MRPS35: variants seen among roughly 807,000 people sequenced by gnomAD.
MRPS35 encodes the protein mitochondrial ribosomal protein S35.
MRPS35 carries 29 observed loss-of-function variants against 32.7 expected under a neutral mutation model. The observed-to-expected ratio is 0.89, with a 90% confidence interval of 0.66 to 1.21. MRPS35 has a LOEUF of 1.21. Ranked by LOEUF, MRPS35 falls within the 50% of genes most tolerant of loss-of-function variation. The pLI is 0.00. For missense variants in MRPS35, 373 were observed against 383.8 expected (o/e 0.97, Z 0.23); for synonymous variants, 148 against 139.3 (o/e 1.06, Z -0.44).
At chr12:27,749,923 G>A (rs1412789197) in intron 7 of MRPS35, among the ~76,000 whole-genome samples, 5 of 152,140 alleles carry the variant, frequency 3.3e-5, no homozygotes, top group African/African-American at 1.2e-4. Flanking sequence ...TTAAACTTAG[G>A]TCTGGGAAAT....
chr12:27,750,786 C>G (rs1426736943), intron 7 of MRPS35, among the ~76,000 whole-genome samples: 1 of 152,012 alleles, frequency 6.6e-6, no homozygotes, highest in African/African-American at 2.4e-5. Flanking sequence ...GCCTAAGTGA[C>G]AGAGGGAGAC....
At chr12:27,712,322 A>C (rs2061830451) in intron 1 of MRPS35, among the ~76,000 whole-genome samples, 1 of 152,218 alleles carries the variant, frequency 6.6e-6, no homozygotes, top group African/African-American at 2.4e-5. Flanking sequence ...TTAAGTAATA[A>C]TCTGATCTCT....
chr12:27,737,714 GC>G, intron 7 of MRPS35, 106 bp downstream of exon 7: 2 of 854,206 alleles, frequency 2.3e-6, no homozygotes, highest in Admixed American at 2.4e-5. Flanking sequence ...TTTGTGAACT[GC>G]TGAATAATCT....
intron 5 of MRPS35, among the ~76,000 whole-genome samples, chr12:27,724,804 A>G (rs2061893322): frequency 1.3e-5 from 2 of 152,162 alleles, no homozygotes; most frequent in South Asian, 4.1e-4. Flanking sequence ...TGTTAACTAT[A>G]GTAGCTCATT....
At chr12:27,718,570 T>G (rs1448459288) in intron 3 of MRPS35, among the ~76,000 whole-genome samples, 1 of 152,244 alleles carries the variant, frequency 6.6e-6, no homozygotes, top group African/African-American at 2.4e-5. Flanking sequence ...TGCTAATTAT[T>G]TATTTGAAGA....
rs1456529230 is a variant in MRPS35, at chr12:27,751,657, C to T, written c.703-3524C>T. On this transcript the variant is annotated intron_variant, in intron 7 of 7. Transcript: ENST00000081029. ...GCAAGCCGAGCTGTGTCCTGGCTCC[C>T]TCCTGTCCAGACGGACAGCTTTGGC... Among the ~76,000 whole-genome samples, 3 of 152,304 alleles carry T rather than the reference C, an allele frequency of 2.0e-5. No individual in the cohort carries two copies. In the East Asian group the frequency reaches 5.8e-4, roughly 29 times the overall value.
chr12:27,720,646 ATATATATT>A (rs757232250), intron 4 of MRPS35, among the ~76,000 whole-genome samples: 14 of 151,820 alleles, frequency 9.2e-5, no homozygotes, highest in Non-Finnish European at 1.8e-4. Flanking sequence ...ACTCTGTAGT[ATATATATT>A]TATATATACT....
chr12:27,716,901 G>T lies in MRPS35; in HGVS notation c.321+443G>T, dbSNP rs1292405320. Among the ~76,000 whole-genome samples the T allele has an allele frequency of 2.6e-5, 4 of 152,128 alleles. No homozygotes were observed. In the East Asian group the frequency reaches 7.7e-4, roughly 29 times the overall value. The stretch of plus-strand genomic sequence containing the variant: ...AGCTACTTGGGAGGCTGAGAAAGGA[G>T]AATTGCTTGAACCCAGGAGGCGGAG... On this transcript the variant is annotated intron_variant, in intron 3 of 7. Coordinates refer to ENST00000081029, the MANE Select transcript of MRPS35 (RefSeq NM_021821.4).
intron 2 of MRPS35, among the ~76,000 whole-genome samples, chr12:27,715,448 G>C (rs1463892667): frequency 6.6e-6 from 1 of 152,188 alleles, no homozygotes; most frequent in Admixed American, 6.6e-5. Context: ...TGGGATTACA[G>C]GCATGAGCCA....
chr12:27,724,697 C>T (rs1012256262), intron 5 of MRPS35, among the ~76,000 whole-genome samples: 4 of 151,798 alleles, frequency 2.6e-5, no homozygotes, highest in African/African-American at 9.7e-5. Context: ...GAGCTGAGAT[C>T]GCTCCACTGC....
At chr12:27,715,677 T>G (rs1402873303) in intron 2 of MRPS35, among the ~76,000 whole-genome samples, 2 of 152,224 alleles carry the variant, frequency 1.3e-5, no homozygotes, top group African/African-American at 2.4e-5. Context: ...TACACTGGTT[T>G]TGATATTGCG....
Position 27,732,885 on chromosome 12 carries a change from TTAAC to T in MRPS35, c.523-2557_523-2554del, listed in dbSNP as rs549647892. Among the ~76,000 whole-genome samples the T allele has an allele frequency of 2.5e-3, 382 of 151,744 alleles. 4 individuals carry two copies. The highest frequency in any genetic ancestry group is 8.9e-3 in the African/African-American group (370 of 41,370). ...GTCTTTTATGTAATACCAGCATTCTTTAACTAACCACATCATACTTGCATATAGA... is the reference window on the plus strand; with the variant it reads ...GTCTTTTATGTAATACCAGCATTCTTTAACCACATCATACTTGCATATAGA... On this transcript the variant is annotated intron_variant, in intron 5 of 7. Transcript: ENST00000081029.
In MRPS35 at chr12:27,714,844, A is replaced by T. The variant is rs144722137; in HGVS notation, c.153+24A>T. 31 of 1,598,326 alleles carry T rather than the reference A, an allele frequency of 1.9e-5. No homozygotes were observed. The African/African-American group carries it at 3.8e-4, about 19-fold the overall frequency. The stretch of plus-strand genomic sequence containing the variant: ...AGGTAAAAAGTTCGTATACTCTACT[A>T]TCTTAATGGTTTCTGGAGTTCTAAA... On this transcript the variant is annotated intron_variant, in intron 2 of 7. Transcript: ENST00000081029.
At chr12:27,716,189 T>C in intron 2 of MRPS35, 102 bp from the exon 3 acceptor site, 1 of 1,185,896 alleles carries the variant, frequency 8.4e-7, no homozygotes, top group Admixed American at 3.2e-5. Context: ...CAATTTTGCT[T>C]CTATTTCTTG....
intron 7 of MRPS35, among the ~76,000 whole-genome samples, chr12:27,740,642 A>G (rs912720543): frequency 6.6e-6 from 1 of 152,162 alleles, no homozygotes; most frequent in Non-Finnish European, 1.5e-5. Flanking sequence ...TGCTAATTTT[A>G]TGTAGCTTGT....
At chr12:27,734,019 G>C (rs2061932493) in intron 5 of MRPS35, among the ~76,000 whole-genome samples, 1 of 152,014 alleles carries the variant, frequency 6.6e-6, no homozygotes, top group Non-Finnish European at 1.5e-5. Context: ...AAATCAGTGG[G>C]GAAAAAATGG....
At chr12:27,716,970 G>A (rs987901770) in intron 3 of MRPS35, among the ~76,000 whole-genome samples, 3 of 151,830 alleles carry the variant, frequency 2.0e-5, no homozygotes, top group Admixed American at 6.6e-5. Flanking sequence ...CAGCCTGGGC[G>A]ATAGAGTGAG....
Position 27,724,039 on chromosome 12 carries a change from A to G in MRPS35, c.383-8A>G, listed in dbSNP as rs1566048818. 3.1e-6 allele frequency: 5 copies of G among 1,607,880 alleles called. No homozygotes were observed. Among genetic ancestry groups the G allele is most frequent in the Non-Finnish European group, 4.2e-6 (5 of 1,178,564 alleles). ...AAGTGTAATTGAAATTATTTCTTTT[A>G]TTCTCAGATTTTTGCACTGAGTGGC... is the stretch of plus-strand genomic sequence containing the variant. On this transcript the variant is annotated splice_polypyrimidine_tract_variant and splice_region_variant and intron_variant, in intron 4 of 7. Coordinates refer to ENST00000081029, the MANE Select transcript of MRPS35 (RefSeq NM_021821.4).
chr12:27,726,300 G>A (rs890352326), intron 5 of MRPS35, among the ~76,000 whole-genome samples: 1 of 151,946 alleles, frequency 6.6e-6, no homozygotes, highest in African/African-American at 2.4e-5. Context: ...TTTTCAATAG[G>A]TTTCATCTGT....
Sources: gnomAD v4.1 joint callset for allele counts (sites outside exome capture counted in the v4.1 genomes callset) on GRCh38, gnomAD v4.1.1 for gene constraint, MANE v1.5 for transcripts, NCBI Gene and HGNC (gene_info 2026-07-23, HGNC 2026-07-21) for gene names.